Variants in OPCML observed in about 807,000 individuals in gnomAD.
The protein encoded by OPCML is opioid-binding protein/cell adhesion molecule.
OPCML carries 13 observed loss-of-function variants against 37.8 expected under a neutral mutation model. The ratio of observed to expected loss-of-function variants is 0.34; its 90% CI spans 0.22 to 0.55. OPCML has a LOEUF of 0.55. Ranked by LOEUF, OPCML falls within the 20% of genes least tolerant of loss-of-function variation. The pLI, the probability that OPCML is intolerant of heterozygous loss-of-function variation, is 0.91. For missense variants in OPCML, 341 were observed against 435.6 expected, an observed-to-expected ratio of 0.78 and a Z score of 1.93; for synonymous variants, 176 against 168.8, an observed-to-expected ratio of 1.04 and a Z score of -0.33.
At chr11:133,038,978 C>T (rs1947835139) in intron 1 of OPCML, among the ~76,000 whole-genome samples, 1 of 152,174 alleles carries the variant, frequency 6.6e-6, no homozygotes, top group South Asian at 2.1e-4. Flanking sequence ...ATCAGCGGGA[C>T]CCACACCTGT....
chr11:132,827,609 C>A (rs1354059358), intron 2 of OPCML, among the ~76,000 whole-genome samples: 1 of 152,124 alleles, frequency 6.6e-6, no homozygotes, highest in Non-Finnish European at 1.5e-5. Flanking sequence ...ACCTGTGCAC[C>A]AATGTGCTTT....
intron 1 of OPCML, among the ~76,000 whole-genome samples, chr11:133,136,662 G>T (rs1342990670): frequency 1.3e-5 from 2 of 152,058 alleles, no homozygotes; most frequent in African/African-American, 4.8e-5. Flanking sequence ...AGAAAGGGTG[G>T]GGAATAGAGA....
At chr11:133,310,458 T>C (rs1428824161) in intron 1 of OPCML, among the ~76,000 whole-genome samples, 1 of 152,214 alleles carries the variant, frequency 6.6e-6, no homozygotes, top group Non-Finnish European at 1.5e-5. Context: ...GCAGAATGGA[T>C]ACCTCAAAGC....
At chr11:132,911,204 G>T (rs1418076895) in intron 2 of OPCML, among the ~76,000 whole-genome samples, 1 of 152,172 alleles carries the variant, frequency 6.6e-6, no homozygotes, top group Non-Finnish European at 1.5e-5. Context: ...TCAATAATGT[G>T]CAGGGTCAAC....
chr11:132,430,427 C>T (rs781307339), intron 7 of OPCML, among the ~76,000 whole-genome samples: 4 of 152,158 alleles, frequency 2.6e-5, no homozygotes, highest in Non-Finnish European at 4.4e-5. Flanking sequence ...GAAGGAAGTC[C>T]GGCTCAGAGA....
chr11:133,161,426 G>A (rs1378549647), intron 1 of OPCML, among the ~76,000 whole-genome samples: 1 of 152,210 alleles, frequency 6.6e-6, no homozygotes, highest in Non-Finnish European at 1.5e-5. Context: ...CAAGCGTGAG[G>A]AAGGTGTTCT....
intron 1 of OPCML, among the ~76,000 whole-genome samples, chr11:133,398,063 C>T (rs1003053257): frequency 3.3e-5 from 5 of 152,198 alleles, no homozygotes; most frequent in African/African-American, 4.8e-5. Flanking sequence ...CCAGCAGAAA[C>T]CTGTCTGCAA....
intron 2 of OPCML, among the ~76,000 whole-genome samples, chr11:132,910,636 C>T (rs531837599): frequency 6.6e-6 from 1 of 152,280 alleles, no homozygotes; most frequent in Admixed American, 6.5e-5. Flanking sequence ...GACAGATGAT[C>T]CCTTCATCAC....
At chr11:132,600,398 G>A (rs777554949) in intron 3 of OPCML, among the ~76,000 whole-genome samples, 9 of 152,186 alleles carry the variant, frequency 5.9e-5, no homozygotes, top group Non-Finnish European at 1.0e-4. Context: ...GGGACCAAAG[G>A]CCAGCATGGG....
intron 1 of OPCML, among the ~76,000 whole-genome samples, chr11:133,233,628 T>C (rs558052411): frequency 6.6e-6 from 1 of 152,334 alleles, no homozygotes; most frequent in South Asian, 2.1e-4. Flanking sequence ...CCCTTTATCC[T>C]TTGTCTTGTC....
chr11:133,214,504 G>A (rs912365858), intron 1 of OPCML, among the ~76,000 whole-genome samples: 13 of 151,956 alleles, frequency 8.6e-5, no homozygotes, highest in East Asian at 3.9e-4. Context: ...AAAAAAAGGC[G>A]AACTGTTGTT....
chr11:132,672,967 C>A (rs1312220246), intron 2 of OPCML, among the ~76,000 whole-genome samples: 3 of 152,086 alleles, frequency 2.0e-5, no homozygotes, highest in Non-Finnish European at 1.5e-5. Flanking sequence ...TCAGATTTTG[C>A]TTCTCTAAGA....
At chr11:133,128,478 C>T (rs79330534) in intron 1 of OPCML, among the ~76,000 whole-genome samples, 4,116 of 152,242 alleles carry the variant, frequency 0.027, 146 homozygotes, top group African/African-American at 0.084. Flanking sequence ...TGTACCACTC[C>T]CTGAGCCAAG....
At chr11:133,379,120 C>A (rs1192728520) in intron 1 of OPCML, among the ~76,000 whole-genome samples, 2 of 152,086 alleles carry the variant, frequency 1.3e-5, no homozygotes, top group African/African-American at 4.8e-5. Flanking sequence ...AAGGGTAGAA[C>A]CAAAAGCAGA....
chr11:132,837,652 C>T lies in OPCML; in HGVS notation c.146+105274G>A, dbSNP rs1361676520. 2.0e-5 allele frequency among the ~76,000 whole-genome samples: 3 copies of T among 152,174 alleles called. No homozygotes were observed. The East Asian group carries it at 5.8e-4, about 29-fold the overall frequency. ...GTGTGCAGGGGACAGGTGTGCACATCAGCAAGGGGCCAAGGTCAGTTCTCC... is the reference window on the plus strand; with the variant it reads ...GTGTGCAGGGGACAGGTGTGCACATTAGCAAGGGGCCAAGGTCAGTTCTCC... On this transcript the variant is annotated intron_variant, in intron 2 of 7. Coordinates refer to ENST00000524381, the MANE Select transcript of OPCML (RefSeq NM_001012393.5).
chr11:132,538,335 T>C (rs921120008), intron 3 of OPCML, among the ~76,000 whole-genome samples: 3 of 152,198 alleles, frequency 2.0e-5, no homozygotes, highest in African/African-American at 4.8e-5. Context: ...ATTCCATTCA[T>C]GTAGGATATC....
intron 3 of OPCML, among the ~76,000 whole-genome samples, chr11:132,531,720 G>C (rs746038324): frequency 1.3e-5 from 2 of 150,556 alleles, no homozygotes; most frequent in African/African-American, 2.4e-5. Flanking sequence ...GTACATTCTA[G>C]CTACACTGCA....
chr11:133,019,712 A>G (rs1361687678), intron 1 of OPCML, among the ~76,000 whole-genome samples: 3 of 152,208 alleles, frequency 2.0e-5, no homozygotes, highest in African/African-American at 4.8e-5. Flanking sequence ...CACTGGGCAG[A>G]GTACCATGGA....
chr11:132,420,136 G>T lies in OPCML; in HGVS notation c.*57C>A. 1.3e-5 allele frequency: 20 copies of T among 1,492,048 alleles called. No homozygotes were observed. The South Asian group carries it at 1.9e-4, about 14-fold the overall frequency. 92.4% of individuals were successfully genotyped at this position (1,492,048 alleles called of 1,614,324 possible). A position where few individuals can be genotyped will look rare whatever the true frequency, so the allele number is the denominator to read the frequency against. On this transcript the variant is annotated 3_prime_UTR_variant, in exon 8 of 8. Transcript: ENST00000524381. The stretch of plus-strand genomic sequence containing the variant: ...AAGCTGGTTTGCTCTCCGCAGTGTA[G>T]ATTAAAGTCTGTGATATGGAGAAGC...
Sources: gnomAD v4.1 joint callset for allele counts (sites outside exome capture counted in the v4.1 genomes callset) on GRCh38, gnomAD v4.1.1 for gene constraint, MANE v1.5 for transcripts, NCBI Gene and HGNC (gene_info 2026-07-23, HGNC 2026-07-21) for gene names.